Variants in MED23 observed in about 807,000 individuals in gnomAD.
MED23 encodes mediator complex subunit 23, also known as mediator of RNA polymerase II transcription subunit 23.
A neutral mutation model predicts 163.9 loss-of-function variants in MED23; 105 were observed. That is an observed-to-expected ratio of 0.64 (90% CI 0.55 to 0.75). The LOEUF (loss-of-function observed/expected upper bound fraction) is 0.75, where lower values mean the gene tolerates loss of function less well. Ranked by LOEUF, MED23 falls within the 30% of genes least tolerant of loss-of-function variation. MED23 has a pLI of 0.00. For synonymous variants in MED23, 561 were observed against 565.6 expected (o/e 0.99, Z 0.12); for missense variants, 1,054 against 1,649.0 (o/e 0.64, Z 6.25).
rs1227367080 is a variant in MED23 at position 131,587,713 on chromosome 6, T to A, written c.4073A>T (p.Asn1358Ile). Residue 1358 changes from asparagine (N) to isoleucine (I), a missense_variant, in exon 29 of 29, where the codon AAT becomes ATT. Transcript: ENST00000368068. ...MNSGSPAPQS[N>I]QVPVSLPVTQ ...TACTGGTAAAGACACGGGCACCTGA[T>A]TAGACTGAGGTGCTGGAGACCCACT... 1 of 1,614,002 alleles carries A rather than the reference T, an allele frequency of 6.2e-7. No homozygotes were observed. The highest frequency in any genetic ancestry group is 1.3e-5 in the African/African-American group (1 of 74,920).
At chr6:131,596,221 A>T (rs548414367) in intron 21 of MED23, 58 bp from the exon 22 acceptor site, 2 of 1,452,316 alleles carry the variant, frequency 1.4e-6, no homozygotes, top group South Asian at 2.3e-5. Flanking sequence ...TTCTCTTAAA[A>T]GAGCTAAATG....
At chr6:131,595,381 A>C (rs1774969900) in intron 22 of MED23, among the ~76,000 whole-genome samples, 1 of 152,206 alleles carries the variant, frequency 6.6e-6, no homozygotes, top group Non-Finnish European at 1.5e-5. Context: ...ACTGCTGCCA[A>C]CTATAACTGG....
At chr6:131,606,457 T>C in intron 13 of MED23, 22 bp downstream of exon 13, 3 of 1,608,272 alleles carry the variant, frequency 1.9e-6, no homozygotes, top group South Asian at 1.1e-5. Flanking sequence ...GAAAATTAAG[T>C]ATCAAGCAAC....
chr6:131,627,329 G>GAAAAAAAAA, intron 3 of MED23, 67 bp downstream of exon 3: 40 of 871,674 alleles, frequency 4.6e-5, no homozygotes, highest in Middle Eastern at 2.4e-4. Context: ...AATGTTAAAA[G>GAAAAAAAAA]AAAAAAAAAA....
At chr6:131,611,075 T>G (rs943504164) in intron 10 of MED23, among the ~76,000 whole-genome samples, 4 of 152,194 alleles carry the variant, frequency 2.6e-5, no homozygotes, top group African/African-American at 9.7e-5. Context: ...ATTTTCATAT[T>G]TCCTTTATAA....
chr6:131,613,373 C>A (rs1485185071), intron 10 of MED23, among the ~76,000 whole-genome samples: 1 of 152,144 alleles, frequency 6.6e-6, no homozygotes, highest in Admixed American at 6.5e-5. Flanking sequence ...CCAATATTAG[C>A]ATAAAATATA....
intron 12 of MED23, 105 bp from the exon 13 acceptor site, chr6:131,606,729 T>C: frequency 9.7e-7 from 1 of 1,030,158 alleles, no homozygotes; most frequent in Non-Finnish European, 1.5e-6. Context: ...TTTTAGCATA[T>C]CATGTCTTAC....
rs1774764072 is a variant in MED23, at chr6:131,593,019, C to T, written c.3385G>A (p.Val1129Ile). The change falls in exon 24 of 29, where the codon GTT becomes ATT. Residue 1129 changes from valine to isoleucine, a missense_variant. Val to Ile is a conservative substitution (Grantham distance 29). Transcript: ENST00000368068. ...GKEVGNALLN[V>I]VLKSQPLVPR... ...CAGAATACATACCTTTTTAGGACAA[C>T]ATTTAGAAGGGCATTCCCAACTTCT... 1 of 1,614,144 alleles carries T rather than the reference C, an allele frequency of 6.2e-7. No homozygotes were observed. Among genetic ancestry groups the T allele is most frequent in the Non-Finnish European group, 8.5e-7 (1 of 1,180,006 alleles).
Position 131,598,057 on chromosome 6 carries a change from A to G in MED23, c.2607+230T>C, listed in dbSNP as rs1775198655. Among the ~76,000 whole-genome samples the G allele has an allele frequency of 6.6e-6, 1 of 152,108 alleles. No individual in the cohort carries two copies. The highest frequency in any genetic ancestry group is 1.5e-5 in the Non-Finnish European group (1 of 68,022). On this transcript the variant is annotated intron_variant, in intron 20 of 28. Coordinates refer to ENST00000368068, the MANE Select transcript of MED23 (RefSeq NM_004830.4). The surrounding 1 kb of genome is among the most constrained non-coding windows in gnomAD (Gnocchi z 4.7). ...GGCTGCAGTGAGCCATGATCACGCC[A>G]CTGCACTGGGCGACAGAGCGAGACC...
At chr6:131,580,010 C>T (rs1057350843) in intron 30 of MED23, among the ~76,000 whole-genome samples, 8 of 152,130 alleles carry the variant, frequency 5.3e-5, no homozygotes, top group Admixed American at 2.0e-4. Flanking sequence ...TCGCTATATA[C>T]GTACATATTG....
rs756466464 is a variant in MED23 at position 131,602,352 on chromosome 6, G to A, written c.1961C>T (p.Thr654Ile). 1.2e-6 allele frequency: 2 copies of A among 1,613,604 alleles called. No individual in the cohort carries two copies. Among genetic ancestry groups the A allele is most frequent in the South Asian group, 1.1e-5 (1 of 91,062 alleles). The change falls in exon 17 of 29, where the codon ACA (threonine) becomes ATA (isoleucine). Residue 654 changes from threonine to isoleucine, a missense_variant. By Grantham distance (89) the Thr-to-Ile change is moderately conservative (BLOSUM62 -1). Around this residue, in one of 11 missense-constraint regions of MED23, gnomAD observed 228 missense variants for 461.3 expected, o/e 0.49. Coordinates refer to ENST00000368068, the MANE Select transcript of MED23 (RefSeq NM_004830.4). Reference protein sequence around the residue: ...CVESTALRLITALGSSEVQPQ... With the variant: ...CVESTALRLIIALGSSEVQPQ... Reference sequence around the variant, plus strand: ...TTGTACCTCTGAGCTACCTAATGCTGTTATAAGCCTGAGAGCAGTGCTCTC... The same window carrying A: ...TTGTACCTCTGAGCTACCTAATGCTATTATAAGCCTGAGAGCAGTGCTCTC...
At chr6:131,605,930 G>A (rs189110919) in intron 13 of MED23, among the ~76,000 whole-genome samples, 1 of 152,302 alleles carries the variant, frequency 6.6e-6, no homozygotes, top group African/African-American at 2.4e-5. Context: ...CTCCTGTGAA[G>A]AGAAGTGGCA....
Position 131,607,496 on chromosome 6 carries a change from G to T in MED23, c.1221+432C>A, listed in dbSNP as rs539748413. On this transcript the variant is annotated intron_variant, in intron 12 of 28. Coordinates refer to ENST00000368068, the MANE Select transcript of MED23 (RefSeq NM_004830.4). ...GGAGGTGGAGGTTGCAGTGAGCTGAGATCACGCCACTGCACTCCAGCCTGG... is the reference window on the plus strand; with the variant it reads ...GGAGGTGGAGGTTGCAGTGAGCTGATATCACGCCACTGCACTCCAGCCTGG... Among the ~76,000 whole-genome samples the T allele has an allele frequency of 8.5e-5, 13 of 152,060 alleles. No homozygotes were observed. In the South Asian group the frequency reaches 2.7e-3, roughly 32 times the overall value.
intron 30 of MED23, chr6:131,574,303 A>T (rs761882497): frequency 6.2e-7 from 1 of 1,613,926 alleles, no homozygotes; most frequent in East Asian, 2.2e-5. Context: ...TTACTGCAAA[A>T]CAAATTGAGA....
At chr6:131,605,850 G>A (rs1469747260) in intron 13 of MED23, among the ~76,000 whole-genome samples, 1 of 152,130 alleles carries the variant, frequency 6.6e-6, no homozygotes, top group Non-Finnish European at 1.5e-5. Flanking sequence ...ATACCACTAT[G>A]AAAAGGTGGT....
chr6:131,594,067 C>A (rs1031492165), intron 23 of MED23, 32 bp downstream of exon 23: 1 of 1,492,842 alleles, frequency 6.7e-7, no homozygotes, highest in African/African-American at 1.4e-5. Context: ...ACTGTTATTT[C>A]TGGGAGTCTA....
At chr6:131,585,352 T>C (rs1774141577), downstream of MED23, among the ~76,000 whole-genome samples, 1 of 152,250 alleles carries the variant, frequency 6.6e-6, no homozygotes, top group African/African-American at 2.4e-5. Context: ...TCCTGTGTTT[T>C]TGTTTTAACA....
In MED23 at chr6:131,619,879, T is replaced by C; in HGVS notation, c.615A>G (p.Val205=). ...GCCTGAAGGTATCCACAAAGTCTGA[T>C]ACTAGGTTTCCAAGTAACTAAAGAG... ...KLPHWLLGNL[V]SDFVDTFRPT... Residue 205 remains valine, a synonymous_variant, in exon 8 of 29, where the codon GTA becomes GTG. Transcript: ENST00000368068. 1.2e-6 allele frequency: 2 copies of C among 1,611,428 alleles called. No individual in the cohort carries two copies. Among genetic ancestry groups the C allele is most frequent in the Non-Finnish European group, 1.7e-6 (2 of 1,178,122 alleles).
chr6:131,596,530 C>A lies in MED23; in HGVS notation c.2766G>T (p.Met922Ile). The A allele has an allele frequency of 6.2e-7, 1 of 1,614,146 alleles. No individual in the cohort carries two copies. The highest frequency in any genetic ancestry group is 8.5e-7 in the Non-Finnish European group (1 of 1,179,992). The change falls in exon 21 of 29, where the codon ATG (methionine) becomes ATT (isoleucine). Residue 922 changes from methionine to isoleucine, a missense_variant. Physicochemically the swap from Met to Ile is conservative, Grantham distance 10 (BLOSUM62 1). Around this residue, in one of 11 missense-constraint regions of MED23, gnomAD observed 228 missense variants for 461.3 expected, o/e 0.49. Coordinates refer to ENST00000368068, the MANE Select transcript of MED23 (RefSeq NM_004830.4). Reference protein sequence around the residue: ...WLQNDWHTKHMNYHKKYPEKL... With the variant: ...WLQNDWHTKHINYHKKYPEKL... ...TTAGGACTAGTACCTTGTGATAATT[C>A]ATGTGCTTGGTGTGCCAGTCATTCT...
Sources: gnomAD v4.1 joint callset for allele counts (sites outside exome capture counted in the v4.1 genomes callset) on GRCh38, gnomAD v4.1.1 for gene constraint, gnomAD v4.1.1 regional missense constraint, Gnocchi (gnomAD v3.1) non-coding constraint, MANE v1.5 for transcripts, NCBI Gene and HGNC (gene_info 2026-07-23, HGNC 2026-07-21) for gene names.